Variants in IGF1R observed in about 807,000 individuals in gnomAD.
The protein encoded by IGF1R is insulin like growth factor 1 receptor.
In IGF1R, 44 loss-of-function variants were observed where a neutral mutation model predicts 144.6. That is an observed-to-expected ratio of 0.30 (90% CI 0.24 to 0.39). The LOEUF is 0.39. IGF1R is among the 10% of genes least tolerant of loss of function. The pLI, the probability that IGF1R is intolerant of heterozygous loss-of-function variation, is 1.00. For missense variants in IGF1R, 1,355 were observed against 1,833.7 expected, an observed-to-expected ratio of 0.74 and a Z score of 4.77; for synonymous variants, 795 against 722.8, an observed-to-expected ratio of 1.10 and a Z score of -1.60.
intron 2 of IGF1R, among the ~76,000 whole-genome samples, chr15:98,862,308 G>T (rs1240174745): frequency 2.6e-5 from 4 of 152,220 alleles, no homozygotes; most frequent in African/African-American, 9.6e-5. Context: ...AAGGATCCAG[G>T]AGAGTCGCAC....
intron 19 of IGF1R, among the ~76,000 whole-genome samples, chr15:98,947,426 C>A (rs1462529616): frequency 6.6e-6 from 1 of 152,194 alleles, no homozygotes; most frequent in Non-Finnish European, 1.5e-5. Context: ...TGTGGCTTGA[C>A]CAGCACCTGC....
At chr15:98,805,993 G>C (rs1160235660) in intron 2 of IGF1R, among the ~76,000 whole-genome samples, 1 of 152,124 alleles carries the variant, frequency 6.6e-6, no homozygotes, top group East Asian at 1.9e-4. Flanking sequence ...TAGCAGGTAT[G>C]GGGTGCCCAC....
At chr15:98,652,006 C>T (rs1022666883) in intron 1 of IGF1R, among the ~76,000 whole-genome samples, 1 of 151,724 alleles carries the variant, frequency 6.6e-6, no homozygotes, top group Admixed American at 6.5e-5. Flanking sequence ...GTTCTTTCAG[C>T]TGTTGTCTGG....
intron 19 of IGF1R, among the ~76,000 whole-genome samples, chr15:98,946,185 C>G (rs1260945094): frequency 7.6e-6 from 1 of 131,162 alleles, no homozygotes; most frequent in Non-Finnish European, 1.6e-5. Context: ...AAAAAGAGCA[C>G]TAGGAAGCGG....
At position 98,649,615 on chromosome 15, in the gene IGF1R, T is replaced by A; in HGVS notation, c.34T>A (p.Ser12Thr). Reference protein sequence around the residue: ...KSGSGGGSPTSLWGLLFLSAA... With the variant: ...KSGSGGGSPTTLWGLLFLSAA... ...TGGCTCCGGAGGAGGGTCCCCGACC[T>A]CGCTGTGGGGGCTCCTGTTTCTCTC... Residue 12 changes from serine (S) to threonine (T), a missense_variant, in exon 1 of 21, where the codon TCG (serine) becomes ACG (threonine). This residue lies in a region of IGF1R where 49 missense variants were observed against 34.7 expected (regional missense o/e 1.41). Coordinates refer to ENST00000650285, the MANE Select transcript of IGF1R (RefSeq NM_000875.5). 1.9e-6 allele frequency: 3 copies of A among 1,598,788 alleles called. No homozygotes were observed. The highest frequency in any genetic ancestry group is 2.6e-6 in the Non-Finnish European group (3 of 1,173,144).
intron 2 of IGF1R, among the ~76,000 whole-genome samples, chr15:98,833,609 A>G (rs1388247022): frequency 6.6e-6 from 1 of 152,344 alleles, no homozygotes; most frequent in African/African-American, 2.4e-5. Context: ...GGGAGAAGGT[A>G]TAACCTTTCC....
At position 98,959,575 on chromosome 15, in the gene IGF1R, G is replaced by A. The variant is rs2017144129; in HGVS notation, c.*2133G>A. 1 of 233,540 alleles carries A rather than the reference G, an allele frequency of 4.3e-6. No homozygotes were observed. The highest frequency in any genetic ancestry group is 2.2e-5 in the African/African-American group (1 of 45,360). The allele number at this position is 233,540 out of a possible 1,614,324, so 14.5% of individuals were successfully genotyped here. ...CTTTGCTTCTTGCTGGGGGACCAGG[G>A]CTGTGGTGCTGGCCCACTTTCCCTC... is the stretch of plus-strand genomic sequence containing the variant. On this transcript the variant is annotated 3_prime_UTR_variant, in exon 21 of 21. Transcript: ENST00000650285.
chr15:98,896,938 G>A (rs752364299), intron 4 of IGF1R, 33 bp downstream of exon 4: 3 of 1,610,052 alleles, frequency 1.9e-6, no homozygotes, highest in Non-Finnish European at 2.5e-6. Context: ...AAAACGGCTA[G>A]ATCTCATGGT....
At chr15:98,650,056 C>T (rs2052313411) in intron 1 of IGF1R, among the ~76,000 whole-genome samples, 1 of 150,418 alleles carries the variant, frequency 6.6e-6, no homozygotes, top group Non-Finnish European at 1.5e-5. Context: ...AAGAGCCTCT[C>T]CGCACACAGC....
rs138285597 is a variant in IGF1R, at chr15:98,878,663, CAAAAAAAAAAA to C, written c.641-12640_641-12630del. On this transcript the variant is annotated intron_variant, in intron 2 of 20. Transcript: ENST00000650285. The stretch of plus-strand genomic sequence containing the variant: ...TCTCTCTTCTTATTTGTGAAAGACT[CAAAAAAAAAAA>C]AAAAAAAAAAAAAAAAAAAAACAAC... Among the ~76,000 whole-genome samples the C allele has an allele frequency of 9.9e-3, 572 of 57,886 alleles. 4 individuals are homozygous for C. The highest frequency in any genetic ancestry group is 0.049 in the African/African-American group (468 of 9,604). The allele number at this position is 57,886 out of a possible 152,430, so 38.0% of individuals were successfully genotyped here.
chr15:98,896,247 C>G (rs1567183490), intron 3 of IGF1R, among the ~76,000 whole-genome samples: 1 of 152,146 alleles, frequency 6.6e-6, no homozygotes, highest in Non-Finnish European at 1.5e-5. Context: ...TTTGGTATCC[C>G]TCACTGGGCT....
intron 10 of IGF1R, among the ~76,000 whole-genome samples, chr15:98,921,716 TG>T (rs1233615392): frequency 1.3e-5 from 2 of 152,186 alleles, no homozygotes; most frequent in African/African-American, 4.8e-5. Context: ...CCCAGGTCTC[TG>T]GGGCCTCTGC....
At chr15:98,721,766 G>C (rs182119410) in intron 2 of IGF1R, among the ~76,000 whole-genome samples, 95 of 152,312 alleles carry the variant, frequency 6.2e-4, no homozygotes, top group African/African-American at 2.2e-3. Flanking sequence ...GTTCTAGCTG[G>C]AATGAATAAA....
In IGF1R at chr15:98,922,171, T is replaced by G; in HGVS notation, c.2225T>G (p.Val742Gly). 1 of 1,614,168 alleles carries G rather than the reference T, an allele frequency of 6.2e-7. No individual in the cohort carries two copies. Among genetic ancestry groups the G allele is most frequent in the Non-Finnish European group, 8.5e-7 (1 of 1,180,028 alleles). ...VPRPERKRRD[V>G]MQVANTTMSS... ...AGACCTGAAAGGAAGCGGAGAGATG[T>G]CATGCAAGTGGCCAACACCACCATG... Residue 742 changes from valine to glycine, a missense_variant, in exon 11 of 21, where the codon GTC (valine) becomes GGC (glycine). Around this residue, in one of 7 missense-constraint regions of IGF1R, gnomAD observed 880 missense variants for 1,202.7 expected, o/e 0.73. Coordinates refer to ENST00000650285, the MANE Select transcript of IGF1R (RefSeq NM_000875.5).
chr15:98,735,341 C>T (rs575741862), intron 2 of IGF1R, among the ~76,000 whole-genome samples: 2 of 152,340 alleles, frequency 1.3e-5, no homozygotes, highest in African/African-American at 4.8e-5. Context: ...ACTGGGGGCT[C>T]CCCGTGACTC....
At chr15:98,729,478 T>G (rs575753965) in intron 2 of IGF1R, among the ~76,000 whole-genome samples, 9 of 152,316 alleles carry the variant, frequency 5.9e-5, no homozygotes, top group Non-Finnish European at 1.0e-4. Context: ...TTTTCAAAGG[T>G]CAGTAGGTGT....
Position 98,916,856 on chromosome 15 carries a change from C to G in IGF1R, c.2181C>G (p.His727Gln). The part of the protein sequence containing the change: ...EYRKVFENFL[H>Q]NSIFVPRPER... ...GCAAAGTCTTTGAGAATTTCCTGCA[C>G]AACTCCATCTTCGTGCCCAGGTACC... The change falls in exon 10 of 21, where the codon CAC becomes CAG. Residue 727 changes from histidine to glutamine, a missense_variant. Physicochemically the swap from His to Gln is conservative, Grantham distance 24. Around this residue, in one of 7 missense-constraint regions of IGF1R, gnomAD observed 880 missense variants for 1,202.7 expected, o/e 0.73. Transcript: ENST00000650285. 6.2e-7 allele frequency: 1 copy of G among 1,614,120 alleles called. No homozygotes were observed. The highest frequency in any genetic ancestry group is 8.5e-7 in the Non-Finnish European group (1 of 1,180,002).
At chr15:98,701,509 T>G (rs747502293) in intron 1 of IGF1R, among the ~76,000 whole-genome samples, 6 of 151,526 alleles carry the variant, frequency 4.0e-5, no homozygotes, top group Non-Finnish European at 7.4e-5. Context: ...GCTAATTTTG[T>G]TTTTGTATTT....
intron 2 of IGF1R, among the ~76,000 whole-genome samples, chr15:98,775,434 C>G (rs1776034381): frequency 6.6e-6 from 1 of 152,174 alleles, no homozygotes; most frequent in African/African-American, 2.4e-5. Flanking sequence ...GTTTTCGAGG[C>G]TTCTGGGTGA....
Sources: gnomAD v4.1 joint callset for allele counts (sites outside exome capture counted in the v4.1 genomes callset) on GRCh38, gnomAD v4.1.1 for gene constraint, gnomAD v4.1.1 regional missense constraint, MANE v1.5 for transcripts, NCBI Gene and HGNC (gene_info 2026-07-23, HGNC 2026-07-21) for gene names.